SRRM3: variants seen among roughly 807,000 people sequenced by gnomAD.
The protein encoded by SRRM3 is serine/arginine repetitive matrix 3, also known as serine/arginine repetitive matrix protein 3.
SRRM3 carries 27 observed loss-of-function variants against 66.2 expected under a neutral mutation model. That is an observed-to-expected ratio of 0.41 (90% CI 0.30 to 0.56). The LOEUF is 0.56. Among genes scored for constraint, SRRM3 ranks in the 20% least tolerant of loss-of-function variants. The pLI is 0.32. For synonymous variants in SRRM3, 391 were observed against 414.9 expected, an observed-to-expected ratio of 0.94 and a Z score of 0.70; for missense variants, 918 against 991.9, an observed-to-expected ratio of 0.93 and a Z score of 1.00.
At chr7:76,216,716 C>G (rs1241832970) in intron 1 of SRRM3, among the ~76,000 whole-genome samples, 3 of 152,168 alleles carry the variant, frequency 2.0e-5, no homozygotes, top group Non-Finnish European at 4.4e-5. Flanking sequence ...AGGTTTCTAG[C>G]TTGGGAGGGG....
At chr7:76,202,659 A>AG (rs1337750577) in intron 1 of SRRM3, among the ~76,000 whole-genome samples, 5 of 152,116 alleles carry the variant, frequency 3.3e-5, no homozygotes, top group Non-Finnish European at 7.4e-5. Flanking sequence ...GGAATTTGGG[A>AG]GGGGGTTCTC....
In SRRM3 at chr7:76,218,674, C is replaced by CTTTTTTT. The variant is rs11349335; in HGVS notation, c.-39-16336_-39-16330dup. On this transcript the variant is annotated intron_variant, in intron 1 of 14. Transcript: ENST00000611745. ...GAACTCGTCTGTGTTGCTTTCTTTT[C>CTTTTTTT]TTTTTTTTTTTTTTTTTTTTTTTTG... Among the ~76,000 whole-genome samples, 255 of 76,314 alleles carry CTTTTTTT rather than the reference C, an allele frequency of 3.3e-3. 5 individuals carry two copies. The highest frequency in any genetic ancestry group is 0.019 in the Middle Eastern group (1 of 54). 50.1% of individuals were successfully genotyped at this position (76,314 alleles called of 152,430 possible).
rs1272604969 is a variant in SRRM3 at position 76,215,767 on chromosome 7, C to T, written c.-40+13700C>T. ...TCAGCCTCCTGAGTGGCTGGAACAA[C>T]AGGCATGTGCCACCACACCTGGCTA... On this transcript the variant is annotated intron_variant, in intron 1 of 14. Coordinates refer to ENST00000611745, the MANE Select transcript of SRRM3 (RefSeq NM_001110199.3). Among the ~76,000 whole-genome samples the T allele has an allele frequency of 3.4e-5, 5 of 147,064 alleles. No individual in the cohort carries two copies. The Admixed American group carries it at 3.4e-4, about 10-fold the overall frequency.
At chr7:76,242,676 C>T (rs1554605764) in intron 2 of SRRM3, among the ~76,000 whole-genome samples, 1 of 152,092 alleles carries the variant, frequency 6.6e-6, no homozygotes, top group African/African-American at 2.4e-5. Context: ...TTTCCTGCAG[C>T]TAGACAGTCC....
intron 3 of SRRM3, among the ~76,000 whole-genome samples, chr7:76,250,175 C>G (rs1801541330): frequency 6.6e-6 from 1 of 152,080 alleles, no homozygotes; most frequent in South Asian, 2.1e-4. Flanking sequence ...TCCTGAGTAG[C>G]TGGGACTACA....
intron 11 of SRRM3, among the ~76,000 whole-genome samples, chr7:76,275,169 G>A (rs1437777424): frequency 6.6e-6 from 1 of 150,752 alleles, no homozygotes; most frequent in African/African-American, 2.4e-5. Flanking sequence ...AGGCCTACAC[G>A]GGCTTCTATC....
intron 1 of SRRM3, among the ~76,000 whole-genome samples, chr7:76,210,468 A>G (rs552039792): frequency 7.9e-5 from 12 of 152,300 alleles, no homozygotes; most frequent in African/African-American, 2.9e-4. Flanking sequence ...CAGAAAGCAG[A>G]GATCGTCCTT....
At chr7:76,232,183 T>G (rs1801032487) in intron 1 of SRRM3, among the ~76,000 whole-genome samples, 1 of 152,130 alleles carries the variant, frequency 6.6e-6, no homozygotes, top group Non-Finnish European at 1.5e-5. Context: ...AAAGCTAAGC[T>G]GCCCTCAGCC....
rs1161706465 is a variant in SRRM3, at chr7:76,236,005, C to CAAAAAAAAAAAAAAAAAAAA, written c.233+712_233+731dup. Reference sequence around the variant, plus strand: ...TGGGCAACAGATCGAGATTCTGTCTCAAAAAAAAAAAAAAAAAAAAAAAAA... The same window carrying CAAAAAAAAAAAAAAAAAAAA: ...TGGGCAACAGATCGAGATTCTGTCTCAAAAAAAAAAAAAAAAAAAAAAAAAAAAAAAAAAAAAAAAAAAAA... On this transcript the variant is annotated intron_variant, in intron 2 of 14. Coordinates refer to ENST00000611745, the MANE Select transcript of SRRM3 (RefSeq NM_001110199.3). Among the ~76,000 whole-genome samples the CAAAAAAAAAAAAAAAAAAAA allele has an allele frequency of 1.5e-4, 3 of 20,274 alleles. 1 individual carries two copies. Among genetic ancestry groups the CAAAAAAAAAAAAAAAAAAAA allele is most frequent in the Non-Finnish European group, 1.9e-4 (2 of 10,442 alleles). The allele number at this position is 20,274 out of a possible 152,430, so 13.3% of individuals were successfully genotyped here.
chr7:76,249,120 TCA>T (rs1271680650), intron 3 of SRRM3, among the ~76,000 whole-genome samples: 2 of 152,114 alleles, frequency 1.3e-5, no homozygotes, highest in Non-Finnish European at 2.9e-5. Context: ...GCATGGTGGC[TCA>T]CACCTGTAAT....
At chr7:76,224,868 TC>T (rs1800817200) in intron 1 of SRRM3, among the ~76,000 whole-genome samples, 2 of 152,122 alleles carry the variant, frequency 1.3e-5, no homozygotes, top group Admixed American at 1.3e-4. Context: ...ATTGAGGACT[TC>T]CCGAGTAAAA....
intron 8 of SRRM3, among the ~76,000 whole-genome samples, chr7:76,263,099 G>T (rs1260749545): frequency 6.6e-6 from 1 of 152,158 alleles, no homozygotes; most frequent in Non-Finnish European, 1.5e-5. Context: ...AGTGTCTATG[G>T]ATCAGTGTGG....
intron 10 of SRRM3, 99 bp from the exon 11 acceptor site, chr7:76,267,159 C>A: frequency 8.4e-7 from 1 of 1,183,646 alleles, no homozygotes; most frequent in Non-Finnish European, 1.1e-6. Context: ...GGGCTGCTCT[C>A]TTTCCCCGTG....
chr7:76,278,845 A>G (rs1554611482), intron 11 of SRRM3, among the ~76,000 whole-genome samples: 2 of 152,156 alleles, frequency 1.3e-5, no homozygotes, highest in East Asian at 3.9e-4. Context: ...CTTGGACAGC[A>G]CCTTGCCCTC....
In SRRM3 at chr7:76,285,555, G is replaced by A. The variant is rs868956911; in HGVS notation, c.1734-60G>A. 4.1e-5 allele frequency: 58 copies of A among 1,414,570 alleles called. No homozygotes were observed. The highest frequency in any genetic ancestry group is 5.0e-4 in the Middle Eastern group (2 of 3,992). The allele number at this position is 1,414,570 out of a possible 1,614,324, so 87.6% of individuals were successfully genotyped here. On this transcript the variant is annotated intron_variant, in intron 14 of 14. Transcript: ENST00000611745. The surrounding 1 kb of genome is among the most constrained non-coding windows in gnomAD (Gnocchi z 4.1). ...GAAACTGAGGCAGGAAGCCCTGGCC[G>A]CTGCTGGGATGGGGCTCGGGGCCTG...
intron 3 of SRRM3, among the ~76,000 whole-genome samples, chr7:76,255,023 C>A (rs575119070): frequency 2.6e-5 from 4 of 152,100 alleles, no homozygotes; most frequent in Non-Finnish European, 4.4e-5. Flanking sequence ...CAAGGCATCA[C>A]CCAGCTTGGG....
At chr7:76,225,700 G>A (rs1261399909) in intron 1 of SRRM3, among the ~76,000 whole-genome samples, 1 of 152,114 alleles carries the variant, frequency 6.6e-6, no homozygotes, top group Non-Finnish European at 1.5e-5. Context: ...GGGCAACAAC[G>A]TGAGACCCTG....
At chr7:76,234,422 C>T (rs1554604560) in intron 1 of SRRM3, among the ~76,000 whole-genome samples, 1 of 152,102 alleles carries the variant, frequency 6.6e-6, no homozygotes, top group Non-Finnish European at 1.5e-5. Flanking sequence ...TCTGGGTGAG[C>T]CCCGCTTATC....
chr7:76,270,177 G>A (rs1422502084), intron 11 of SRRM3, among the ~76,000 whole-genome samples: 2 of 152,162 alleles, frequency 1.3e-5, no homozygotes, highest in Admixed American at 6.5e-5. Context: ...CTTGTCCTGG[G>A]TTGCCCAGGG....
Sources: gnomAD v4.1 joint callset for allele counts (sites outside exome capture counted in the v4.1 genomes callset) on GRCh38, gnomAD v4.1.1 for gene constraint, Gnocchi (gnomAD v3.1) non-coding constraint, MANE v1.5 for transcripts, NCBI Gene and HGNC (gene_info 2026-07-23, HGNC 2026-07-21) for gene names.